The following ACER3 variants were observed in gnomAD, a reference collection of about 807,000 sequenced individuals.
ACER3 encodes the protein alkCDase 3.
Under a neutral mutation model 48.9 loss-of-function variants are expected in ACER3, and 16 were observed. The ratio of observed to expected loss-of-function variants is 0.33; its 90% CI spans 0.22 to 0.50. ACER3 has a LOEUF of 0.50. ACER3 is among the 20% of genes least tolerant of loss of function. The probability of loss-of-function intolerance (pLI) is 0.98; values close to 1 mark genes in which losing one functional copy is unlikely to be tolerated. For synonymous variants in ACER3, 109 were observed against 107.8 expected (o/e 1.01, Z -0.07); for missense variants, 227 against 326.0 (o/e 0.70, Z 2.34).
chr11:76,876,558 A>T (rs1270009100), intron 1 of ACER3, among the ~76,000 whole-genome samples: 1 of 152,166 alleles, frequency 6.6e-6, no homozygotes, highest in Non-Finnish European at 1.5e-5. Flanking sequence ...TTCGTTTCTC[A>T]TAGGTAAATG....
intron 1 of ACER3, among the ~76,000 whole-genome samples, chr11:76,900,995 T>G (rs965532293): frequency 6.6e-6 from 1 of 152,214 alleles, no homozygotes; most frequent in Non-Finnish European, 1.5e-5. Flanking sequence ...TCTATTGTTT[T>G]GGGGCTTGAT....
intron 7 of ACER3, among the ~76,000 whole-genome samples, chr11:77,011,775 G>T (rs1949269585): frequency 6.6e-6 from 1 of 152,020 alleles, no homozygotes; most frequent in Non-Finnish European, 1.5e-5. Context: ...AAGAACAGAG[G>T]CAGACCAGTC....
chr11:76,916,126 T>C (rs967771992), intron 1 of ACER3, among the ~76,000 whole-genome samples: 7 of 152,260 alleles, frequency 4.6e-5, no homozygotes, highest in African/African-American at 1.7e-4. Context: ...CTGATGCATT[T>C]TAATTCTAAG....
In ACER3 at chr11:76,950,617, A is replaced by C. The variant is rs1216733932; in HGVS notation, c.215-8362A>C. 2.6e-5 allele frequency among the ~76,000 whole-genome samples: 4 copies of C among 150,986 alleles called. No homozygotes were observed. The East Asian group carries it at 7.8e-4, about 30-fold the overall frequency. ...GCTGGGACCATAGGCGTGCACCACC[A>C]TACCAAGCTAATTTTTTACATTTTT... is the stretch of plus-strand genomic sequence containing the variant. On this transcript the variant is annotated intron_variant, in intron 2 of 10. Transcript: ENST00000532485.
chr11:76,997,778 C>T (rs1031639872), intron 6 of ACER3, among the ~76,000 whole-genome samples: 3 of 152,122 alleles, frequency 2.0e-5, no homozygotes, highest in Non-Finnish European at 4.4e-5. Flanking sequence ...ATCAAGCCTG[C>T]AATGAGCTAT....
At chr11:77,016,110 G>GGAAA (rs782082716) in intron 8 of ACER3, among the ~76,000 whole-genome samples, 1 of 126,374 alleles carries the variant, frequency 7.9e-6, no homozygotes, top group South Asian at 2.6e-4. Flanking sequence ...CCGTCTCAGG[G>GGAAA]AAAAAAAAAA....
intron 1 of ACER3, 35 bp from the exon 2 acceptor site, chr11:76,926,522 T>C (rs749668229): frequency 5.4e-6 from 7 of 1,301,750 alleles, no homozygotes; most frequent in Non-Finnish European, 7.7e-6. Context: ...TGTTATTGAT[T>C]AACCTAAATG....
At chr11:76,939,228 A>G (rs1947276439) in intron 2 of ACER3, among the ~76,000 whole-genome samples, 1 of 152,172 alleles carries the variant, frequency 6.6e-6, no homozygotes, top group South Asian at 2.1e-4. Context: ...TGAATATAAA[A>G]CTATTTGGTC....
intron 1 of ACER3, among the ~76,000 whole-genome samples, chr11:76,883,049 A>G (rs534671731): frequency 6.6e-5 from 10 of 151,672 alleles, no homozygotes. Flanking sequence ...GTTACCTTTC[A>G]CTGTTTCTTA....
chr11:76,971,556 AC>A (rs1948308332), intron 3 of ACER3, among the ~76,000 whole-genome samples: 2 of 152,064 alleles, frequency 1.3e-5, no homozygotes, highest in African/African-American at 4.8e-5. Context: ...AGAAAAAAAA[AC>A]CGATAATAGA....
In ACER3 at chr11:76,997,021, C is replaced by T. The variant is rs978819023; in HGVS notation, c.439-1742C>T. Among the ~76,000 whole-genome samples, 47 of 152,186 alleles carry T rather than the reference C, an allele frequency of 3.1e-4. 1 individual carries two copies. Among genetic ancestry groups the T allele is most frequent in the Non-Finnish European group, 7.4e-5 (5 of 68,026 alleles). On this transcript the variant is annotated intron_variant, in intron 6 of 10. Coordinates refer to ENST00000532485, the MANE Select transcript of ACER3 (RefSeq NM_018367.7). ...GATTACAGGCGTGAGCCACCACACC[C>T]GGCCTCTGTTACTGTTATATGAAGT... is the stretch of plus-strand genomic sequence containing the variant.
chr11:76,881,553 TGGAC>T (rs1945528003), intron 1 of ACER3, among the ~76,000 whole-genome samples: 2 of 152,172 alleles, frequency 1.3e-5, no homozygotes, highest in Admixed American at 1.3e-4. Flanking sequence ...GCCCACTTCA[TGGAC>T]CACTTCATGA....
intron 2 of ACER3, among the ~76,000 whole-genome samples, chr11:76,935,475 T>G (rs1000648565): frequency 1.3e-5 from 2 of 152,198 alleles, no homozygotes; most frequent in African/African-American, 4.8e-5. Context: ...ATGAAATTAT[T>G]GTCAAAGCTC....
chr11:76,875,618 C>T (rs1945352578), intron 1 of ACER3, among the ~76,000 whole-genome samples: 1 of 151,712 alleles, frequency 6.6e-6, no homozygotes, highest in Admixed American at 6.6e-5. Context: ...AAGTAAACTG[C>T]AGACATCTGT....
intron 1 of ACER3, among the ~76,000 whole-genome samples, chr11:76,864,596 A>ATTTTTTTTTTTTTT (rs772026324): frequency 8.0e-5 from 8 of 99,930 alleles, no homozygotes; most frequent in Admixed American, 1.2e-4. Context: ...TGGAATGGGT[A>ATTTTTTTTTTTTTT]TTTTTTTTTT....
At chr11:76,940,784 G>A (rs533411017) in intron 2 of ACER3, among the ~76,000 whole-genome samples, 3 of 152,148 alleles carry the variant, frequency 2.0e-5, no homozygotes, top group East Asian at 1.9e-4. Flanking sequence ...TCTATAAGAC[G>A]AAGCTTCCTA....
chr11:77,017,131 A>G (rs1949386360), intron 9 of ACER3, among the ~76,000 whole-genome samples: 1 of 152,188 alleles, frequency 6.6e-6, no homozygotes, highest in Non-Finnish European at 1.5e-5. Context: ...AATTTGGCAG[A>G]AGGAAAGAAA....
chr11:76,941,129 A>C (rs2134924667), intron 2 of ACER3, among the ~76,000 whole-genome samples: 1 of 152,232 alleles, frequency 6.6e-6, no homozygotes. Flanking sequence ...TTTTATTTCA[A>C]ATCAAGGATA....
chr11:76,943,007 G>A (rs1357153326), intron 2 of ACER3, among the ~76,000 whole-genome samples: 5 of 151,734 alleles, frequency 3.3e-5, no homozygotes, highest in African/African-American at 1.2e-4. Flanking sequence ...TATTTTTGTG[G>A]TATCAATTGT....
Sources: gnomAD v4.1 joint callset for allele counts (sites outside exome capture counted in the v4.1 genomes callset) on GRCh38, gnomAD v4.1.1 for gene constraint, MANE v1.5 for transcripts, NCBI Gene and HGNC (gene_info 2026-07-23, HGNC 2026-07-21) for gene names.